RGS7: variants seen among roughly 807,000 people sequenced by gnomAD.
RGS7 encodes regulator of G protein signaling 7, also known as regulator of G-protein signaling 7.
In RGS7, 27 loss-of-function variants were observed where a neutral mutation model predicts 81.1. That is an observed-to-expected ratio of 0.33 (90% CI 0.25 to 0.46). RGS7 has a LOEUF of 0.46. Ranked by LOEUF, RGS7 falls within the 20% of genes least tolerant of loss-of-function variation. The pLI is 1.00. For missense variants in RGS7, 396 were observed against 607.4 expected (o/e 0.65, Z 3.66); for synonymous variants, 208 against 207.7 (o/e 1.00, Z -0.01).
intron 3 of RGS7, among the ~76,000 whole-genome samples, chr1:241,037,200 G>A (rs76860981): frequency 0.052 from 7,877 of 152,120 alleles, 299 homozygotes; most frequent in Admixed American, 0.11. Flanking sequence ...TAGGAAATAC[G>A]TATCAGAAGC....
At chr1:241,013,665 C>T (rs1460673233) in intron 3 of RGS7, among the ~76,000 whole-genome samples, 4 of 152,192 alleles carry the variant, frequency 2.6e-5, no homozygotes, top group African/African-American at 9.6e-5. Flanking sequence ...GTTGCCTTCA[C>T]TCTGCTGGTG....
intron 3 of RGS7, among the ~76,000 whole-genome samples, chr1:241,021,240 G>A (rs1334348451): frequency 1.3e-5 from 2 of 152,138 alleles, no homozygotes; most frequent in Non-Finnish European, 2.9e-5. Context: ...GTGAGAAGCA[G>A]GTTTGCTGTT....
At chr1:241,223,958 C>T (rs1306990232) in intron 2 of RGS7, among the ~76,000 whole-genome samples, 1 of 150,512 alleles carries the variant, frequency 6.6e-6, no homozygotes, top group Non-Finnish European at 1.5e-5. Flanking sequence ...TCATTAAGGT[C>T]CATTCTAATC....
chr1:241,282,425 T>C (rs1049314119), intron 2 of RGS7, among the ~76,000 whole-genome samples: 2 of 152,336 alleles, frequency 1.3e-5, no homozygotes, highest in South Asian at 2.1e-4. Flanking sequence ...GTTTCTTCTT[T>C]GGGTTCCGTG....
intron 18 of RGS7, among the ~76,000 whole-genome samples, chr1:240,797,403 G>A (rs1384623003): frequency 6.6e-6 from 1 of 152,196 alleles, no homozygotes; most frequent in Non-Finnish European, 1.5e-5. Flanking sequence ...CCAGGTTGGA[G>A]TGCAATGGCA....
At chr1:241,006,390 C>T (rs971527275) in intron 3 of RGS7, among the ~76,000 whole-genome samples, 9 of 152,188 alleles carry the variant, frequency 5.9e-5, no homozygotes, top group Middle Eastern at 3.2e-3. Context: ...TCCTCAGGAG[C>T]TTTACTGTAC....
rs760859263 is a variant in RGS7 at position 241,182,217 on chromosome 1, C to T, written c.79-83455G>A. Among the ~76,000 whole-genome samples the T allele has an allele frequency of 7.9e-5, 12 of 152,260 alleles. No individual in the cohort carries two copies. In the East Asian group the frequency reaches 9.7e-4, roughly 12 times the overall value. On this transcript the variant is annotated intron_variant, in intron 2 of 18. Transcript: ENST00000440928. ...CAATAGGCACAGCTCAGCTACTGTCCGCTCTACCTCAGCAGACAGGACTAG... is the reference window on the plus strand; with the variant it reads ...CAATAGGCACAGCTCAGCTACTGTCTGCTCTACCTCAGCAGACAGGACTAG...
intron 2 of RGS7, among the ~76,000 whole-genome samples, chr1:241,155,238 T>C (rs1266729131): frequency 6.6e-6 from 1 of 152,132 alleles, no homozygotes; most frequent in Non-Finnish European, 1.5e-5. Flanking sequence ...GTAGCTGGGA[T>C]TACAGGTGCA....
chr1:241,042,864 T>C (rs1572412917), intron 3 of RGS7, among the ~76,000 whole-genome samples: 1 of 149,538 alleles, frequency 6.7e-6, no homozygotes, highest in Non-Finnish European at 1.5e-5. Context: ...CTTTTGAACC[T>C]GGGAGGCGGA....
chr1:240,846,186 T>C (rs1307675715), intron 9 of RGS7, among the ~76,000 whole-genome samples: 1 of 152,210 alleles, frequency 6.6e-6, no homozygotes, highest in Non-Finnish European at 1.5e-5. Context: ...GAACAGTTAC[T>C]ACCTCATATT....
At chr1:241,050,410 T>G (rs2061184976) in intron 3 of RGS7, among the ~76,000 whole-genome samples, 1 of 152,168 alleles carries the variant, frequency 6.6e-6, no homozygotes, top group South Asian at 2.1e-4. Context: ...TACTGGAGGC[T>G]GGCTCTCCCA....
intron 9 of RGS7, among the ~76,000 whole-genome samples, chr1:240,855,095 A>G (rs1039287646): frequency 5.3e-5 from 8 of 152,120 alleles, no homozygotes; most frequent in African/African-American, 1.9e-4. Context: ...AATAGTTACA[A>G]TCAATATTCA....
intron 3 of RGS7, among the ~76,000 whole-genome samples, chr1:241,022,439 T>C (rs955605206): frequency 6.6e-6 from 1 of 152,236 alleles, no homozygotes; most frequent in Non-Finnish European, 1.5e-5. Context: ...CTAGAAATTA[T>C]AGTTTAGGAG....
At chr1:240,953,884 G>C (rs1197330006) in intron 4 of RGS7, among the ~76,000 whole-genome samples, 1 of 151,950 alleles carries the variant, frequency 6.6e-6, no homozygotes, top group Non-Finnish European at 1.5e-5. Context: ...AAAGAAAGAA[G>C]ACTCAAATTA....
chr1:240,998,424 T>C (rs974220256), intron 3 of RGS7: 13 of 676,894 alleles, frequency 1.9e-5, no homozygotes, highest in Non-Finnish European at 2.8e-5. Context: ...CAGCTTTTTA[T>C]TGAACACATT....
intron 2 of RGS7, among the ~76,000 whole-genome samples, chr1:241,258,538 A>T (rs1354034736): frequency 2.6e-5 from 4 of 152,220 alleles, no homozygotes; most frequent in Non-Finnish European, 5.9e-5. Flanking sequence ...AAGGAACAGA[A>T]TTAAGTAGAT....
In RGS7 at chr1:241,050,845, G is replaced by C. The variant is rs145410079; in HGVS notation, c.175+47821C>G. 6.1e-4 allele frequency among the ~76,000 whole-genome samples: 93 copies of C among 152,220 alleles called. 1 individual carries two copies. The highest frequency in any genetic ancestry group is 2.0e-3 in the African/African-American group (84 of 41,532). On this transcript the variant is annotated intron_variant, in intron 3 of 18. Transcript: ENST00000440928. ...TAGTTTACTTTATTGGGAGAATATA[G>C]TATATGATACATATAACATATAAAA...
intron 6 of RGS7, among the ~76,000 whole-genome samples, chr1:240,904,247 C>T (rs1049074341): frequency 6.6e-6 from 1 of 152,018 alleles, no homozygotes; most frequent in African/African-American, 2.4e-5. Context: ...ACTATGTGAA[C>T]TAAAAGTGAG....
At chr1:241,028,489 A>G (rs1456947835) in intron 3 of RGS7, among the ~76,000 whole-genome samples, 1 of 152,212 alleles carries the variant, frequency 6.6e-6, no homozygotes, top group Non-Finnish European at 1.5e-5. Flanking sequence ...GCCCCAGGCC[A>G]CTGGGTTCAC....
Sources: allele counts gnomAD v4.1 joint callset (sites outside exome capture counted in the v4.1 genomes callset), GRCh38; gene constraint gnomAD v4.1.1; transcripts MANE v1.5; gene names NCBI Gene and HGNC (gene_info 2026-07-23, HGNC 2026-07-21).